The following NRG3 variants were observed in gnomAD, a reference collection of about 807,000 sequenced individuals.
NRG3 encodes neuregulin 3.
In NRG3, 31 loss-of-function variants were observed where a neutral mutation model predicts 66.9. The ratio of observed to expected loss-of-function variants is 0.46; its 90% CI spans 0.35 to 0.63. The LOEUF (loss-of-function observed/expected upper bound fraction) is 0.63, where lower values mean the gene tolerates loss of function less well. NRG3 is among the 20% of genes least tolerant of loss of function. NRG3 has a pLI of 0.00. For missense variants in NRG3, 910 were observed against 878.9 expected (o/e 1.04, Z -0.45); for synonymous variants, 393 against 359.4 (o/e 1.09, Z -1.06).
chr10:82,064,508 C>T (rs1027938466), intron 1 of NRG3, among the ~76,000 whole-genome samples: 2 of 151,672 alleles, frequency 1.3e-5, no homozygotes, highest in South Asian at 2.1e-4. Flanking sequence ...ATGACTTATA[C>T]GCGTTGAAAA....
intron 2 of NRG3, among the ~76,000 whole-genome samples, chr10:82,470,896 A>T (rs532541724): frequency 1.1e-3 from 164 of 152,206 alleles, no homozygotes; most frequent in African/African-American, 3.8e-3. Flanking sequence ...ACCTCTGTTT[A>T]TACAGCTAAC....
chr10:82,727,449 G>C (rs560751982), intron 2 of NRG3, among the ~76,000 whole-genome samples: 2 of 152,354 alleles, frequency 1.3e-5, no homozygotes, highest in East Asian at 3.9e-4. Flanking sequence ...TACAGCTCAG[G>C]CCATGGCTTC....
intron 4 of NRG3, among the ~76,000 whole-genome samples, chr10:82,927,615 T>A (rs554878302): frequency 7.2e-5 from 11 of 152,208 alleles, no homozygotes; most frequent in African/African-American, 2.7e-4. Flanking sequence ...GTTCCTGTAT[T>A]AGTTTGCTGA....
In NRG3 at chr10:82,244,706, C is replaced by T. The variant is rs538879670; in HGVS notation, c.824-114033C>T. Among the ~76,000 whole-genome samples, 6 of 152,014 alleles carry T rather than the reference C, an allele frequency of 3.9e-5. No homozygotes were observed. In the East Asian group the frequency reaches 1.2e-3, roughly 30 times the overall value. Reference sequence around the variant, plus strand: ...GGGTACTGAGAGCGGGGGATGGTTTCGGGATAACTCAAGTGCATTACAATT... The same window carrying T: ...GGGTACTGAGAGCGGGGGATGGTTTTGGGATAACTCAAGTGCATTACAATT... On this transcript the variant is annotated intron_variant, in intron 1 of 8. Coordinates refer to ENST00000372141, the MANE Select transcript of NRG3 (RefSeq NM_001010848.4).
chr10:82,526,057 G>A (rs1421150906), intron 2 of NRG3, among the ~76,000 whole-genome samples: 1 of 151,942 alleles, frequency 6.6e-6, no homozygotes, highest in Non-Finnish European at 1.5e-5. Flanking sequence ...AGTTGACTGG[G>A]TGGACACAGT....
intron 4 of NRG3, among the ~76,000 whole-genome samples, chr10:82,931,110 C>T (rs1468865739): frequency 4.6e-5 from 7 of 152,158 alleles, no homozygotes; most frequent in Admixed American, 4.6e-4. Flanking sequence ...CCTCCACTAA[C>T]TGCTTTGTTC....
rs111541064 is a variant in NRG3 at position 82,325,616 on chromosome 10, C to CTT, written c.824-33115_824-33114dup. On this transcript the variant is annotated intron_variant, in intron 1 of 8. Coordinates refer to ENST00000372141, the MANE Select transcript of NRG3 (RefSeq NM_001010848.4). ...TTTTGATCCAATATGATAACGTTTC[C>CTT]TTTTTTTTTGCATTTCCTTTGTTGT... is the stretch of plus-strand genomic sequence containing the variant. Among the ~76,000 whole-genome samples, 6 of 150,500 alleles carry CTT rather than the reference C, an allele frequency of 4.0e-5. No homozygotes were observed. The South Asian group carries it at 6.3e-4, about 16-fold the overall frequency.
intron 2 of NRG3, among the ~76,000 whole-genome samples, chr10:82,592,636 G>A: frequency 6.6e-6 from 1 of 152,170 alleles, no homozygotes; most frequent in East Asian, 1.9e-4. Flanking sequence ...ACAGTCATCA[G>A]CCAAGACTAG....
chr10:82,850,362 C>G (rs528309636), intron 3 of NRG3, among the ~76,000 whole-genome samples: 81 of 152,324 alleles, frequency 5.3e-4, no homozygotes, highest in African/African-American at 1.9e-3. Context: ...GCGTGCTGCT[C>G]TCACATTTTG....
intron 1 of NRG3, among the ~76,000 whole-genome samples, chr10:82,051,962 T>C (rs1236341950): frequency 1.3e-5 from 2 of 151,966 alleles, no homozygotes; most frequent in East Asian, 3.9e-4. Flanking sequence ...TTCTTCCATC[T>C]AAAGGTGGGT....
intron 1 of NRG3, among the ~76,000 whole-genome samples, chr10:82,325,168 C>A (rs1489413487): frequency 2.0e-5 from 3 of 151,784 alleles, no homozygotes; most frequent in African/African-American, 7.3e-5. Flanking sequence ...AGTATCATTA[C>A]TCTTTTGTTT....
intron 1 of NRG3, among the ~76,000 whole-genome samples, chr10:81,982,450 T>G (rs755863371): frequency 1.3e-5 from 2 of 152,218 alleles, no homozygotes; most frequent in African/African-American, 4.8e-5. Context: ...TGCTTCCACA[T>G]TTTTAGGTGT....
At chr10:82,655,661 A>G (rs929201651) in intron 2 of NRG3, among the ~76,000 whole-genome samples, 37 of 152,224 alleles carry the variant, frequency 2.4e-4, no homozygotes, top group African/African-American at 8.4e-4. Flanking sequence ...ATATCTATTT[A>G]CATGTGTTGA....
intron 1 of NRG3, among the ~76,000 whole-genome samples, chr10:82,071,296 A>G (rs2064792665): frequency 6.6e-6 from 1 of 152,204 alleles, no homozygotes; most frequent in Admixed American, 6.5e-5. Flanking sequence ...TCAGATGGTG[A>G]GGAGTGCCAT....
At chr10:82,122,984 G>A (rs1401073358) in intron 1 of NRG3, among the ~76,000 whole-genome samples, 1 of 142,870 alleles carries the variant, frequency 7.0e-6, no homozygotes, top group African/African-American at 2.5e-5. Flanking sequence ...TAGATCCTAA[G>A]CCAAATATTA....
At chr10:82,351,524 C>G (rs1014950502) in intron 1 of NRG3, among the ~76,000 whole-genome samples, 1 of 152,144 alleles carries the variant, frequency 6.6e-6, no homozygotes, top group Non-Finnish European at 1.5e-5. Flanking sequence ...GCTGAGGTCT[C>G]TCTGTGCTGG....
intron 1 of NRG3, among the ~76,000 whole-genome samples, chr10:82,147,141 A>G (rs2132716580): frequency 6.6e-6 from 1 of 152,292 alleles, no homozygotes; most frequent in East Asian, 1.9e-4. Flanking sequence ...GTAAGCAGAT[A>G]CCAAGAGTCA....
At chr10:82,298,406 T>A (rs2134721399) in intron 1 of NRG3, among the ~76,000 whole-genome samples, 1 of 152,320 alleles carries the variant, frequency 6.6e-6, no homozygotes, top group Non-Finnish European at 1.5e-5. Flanking sequence ...GGTAATTTTG[T>A]TAACATTTAG....
At chr10:82,914,687 G>T (rs1270210689) in intron 4 of NRG3, among the ~76,000 whole-genome samples, 1 of 151,690 alleles carries the variant, frequency 6.6e-6, no homozygotes, top group Non-Finnish European at 1.5e-5. Flanking sequence ...ATTCTATGAT[G>T]AGAGCTCAAT....
Sources: gnomAD v4.1 joint callset for allele counts (sites outside exome capture counted in the v4.1 genomes callset) on GRCh38, gnomAD v4.1.1 for gene constraint, MANE v1.5 for transcripts, NCBI Gene and HGNC (gene_info 2026-07-23, HGNC 2026-07-21) for gene names.